Variants in MSH6 observed in about 807,000 individuals in gnomAD.
MSH6 encodes mutS homolog 6, also known as DNA mismatch repair protein Msh6.
MSH6 carries 85 observed loss-of-function variants against 119.1 expected under a neutral mutation model. The observed-to-expected ratio is 0.71, with a 90% CI of 0.60 to 0.85. The LOEUF (loss-of-function observed/expected upper bound fraction) is 0.85. Among genes scored for constraint, MSH6 ranks in the 40% least tolerant of loss-of-function variants. The probability of loss-of-function intolerance (pLI) is 0.00; values close to 1 mark genes in which losing one functional copy is unlikely to be tolerated. For synonymous variants in MSH6, 830 were observed against 586.9 expected, an observed-to-expected ratio of 1.41 and a Z score of -5.99; for missense variants, 2,163 against 1,655.3, an observed-to-expected ratio of 1.31 and a Z score of -5.32.
Position 47,800,282 on chromosome 2 carries a change from ACTC to A in MSH6, c.2302_2304del (p.Pro768del), listed in dbSNP as rs63750647. 2 of 1,613,824 alleles carry A rather than the reference ACTC, an allele frequency of 1.2e-6. No homozygotes were observed. Among genetic ancestry groups the A allele is most frequent in the Non-Finnish European group, 1.7e-6 (2 of 1,179,954 alleles). ...ACTAGAGAGGGTTGATACTTGCCAT[ACTC>A]CTTTTGGTAAGCGGCTCCTAAAGCA... On this transcript the variant is annotated inframe_deletion, in exon 4 of 10. Coordinates refer to ENST00000234420, the MANE Select transcript of MSH6 (RefSeq NM_000179.3).
At chr2:47,798,537 A>C in intron 3 of MSH6, 74 bp from the exon 4 acceptor site, 1 of 1,524,696 alleles carries the variant, frequency 6.6e-7, no homozygotes, top group South Asian at 1.1e-5. Context: ...TCAAAAAATC[A>C]TAAGTTGAAC....
intron 5 of MSH6, among the ~76,000 whole-genome samples, chr2:47,804,446 A>C (rs990795085): frequency 6.6e-6 from 1 of 151,978 alleles, no homozygotes; most frequent in Non-Finnish European, 1.5e-5. Flanking sequence ...CTGTTCACCT[A>C]GTTTGCTAGA....
downstream of MSH6, chr2:47,807,871 T>C: frequency 2.7e-6 from 1 of 364,902 alleles, no homozygotes; most frequent in Non-Finnish European, 5.0e-6. Context: ...TTGCAGCTTA[T>C]TTTCTTCACT....
rs1669780113 is a variant in MSH6, at chr2:47,803,745, C to T, written c.3438+60C>T. On this transcript the variant is annotated intron_variant, in intron 5 of 9. Coordinates refer to ENST00000234420, the MANE Select transcript of MSH6 (RefSeq NM_000179.3). ...CATTTGTGACATTAGGAATAACATA[C>T]TTAGGTGATCATTTTCCAAACACAG... 4 of 1,591,932 alleles carry T rather than the reference C, an allele frequency of 2.5e-6. No individual in the cohort carries two copies. The Admixed American group carries it at 5.0e-5, about 20-fold the overall frequency.
intron 1 of MSH6, among the ~76,000 whole-genome samples, chr2:47,786,911 C>G (rs1668384373): frequency 1.3e-5 from 2 of 152,152 alleles, no homozygotes; most frequent in African/African-American, 4.8e-5. Flanking sequence ...GTTGGGATTA[C>G]AAGTGTGAGC....
intron 4 of MSH6, among the ~76,000 whole-genome samples, chr2:47,803,030 G>T (rs967664167): frequency 1.3e-5 from 2 of 152,126 alleles, no homozygotes; most frequent in African/African-American, 4.8e-5. Context: ...TCCTGCCTCA[G>T]CCTCCTGCGT....
Position 47,800,516 on chromosome 2 carries a change from TATGAA to T in MSH6, c.2534_2538del (p.Tyr845Ter). On this transcript the variant is annotated frameshift_variant, in exon 4 of 10. Coordinates refer to ENST00000234420, the MANE Select transcript of MSH6 (RefSeq NM_000179.3). LOFTEE classifies it high-confidence loss of function. ...CCACCCAGACAGCAGGGCTATAATG[TATGAA>T]GAAACTACATACAGCAAGAAGAAGA... The T allele has an allele frequency of 6.2e-7, 1 of 1,613,126 alleles. No individual in the cohort carries two copies. The highest frequency in any genetic ancestry group is 8.5e-7 in the Non-Finnish European group (1 of 1,179,754).
intron 1 of MSH6, among the ~76,000 whole-genome samples, chr2:47,786,044 C>T (rs779833998): frequency 1.3e-5 from 2 of 151,638 alleles, no homozygotes; most frequent in African/African-American, 2.4e-5. Context: ...CAGGACAAAG[C>T]AAAGAGGCAA....
chr2:47,805,084 A>G (rs957178853), intron 6 of MSH6, 57 bp downstream of exon 6: 23 of 1,183,158 alleles, frequency 1.9e-5, no homozygotes, highest in Middle Eastern at 1.9e-4. Flanking sequence ...GTGATAAAAG[A>G]TATTTGCTTC....
rs63750258 is a variant in MSH6 at position 47,800,966 on chromosome 2, G to A, written c.2983G>A (p.Glu995Lys). 1 of 1,562,602 alleles carries A rather than the reference G, an allele frequency of 6.4e-7. No individual in the cohort carries two copies. Among genetic ancestry groups the A allele is most frequent in the Non-Finnish European group, 8.6e-7 (1 of 1,157,208 alleles). Residue 995 changes from glutamate to lysine, a missense_variant, in exon 4 of 10, where the codon GAG becomes AAG. Physicochemically the swap from Glu to Lys is moderately conservative, Grantham distance 56. Transcript: ENST00000234420. ...CACTCGCAATTTGCCAGAAGAATACGAGTTGAAATCTACCAAGAAGGGCTG... is the reference window on the plus strand; with the variant it reads ...CACTCGCAATTTGCCAGAAGAATACAAGTTGAAATCTACCAAGAAGGGCTG... ...FTTRNLPEEYELKSTKKGCKR... is the reference protein window; with the variant it reads ...FTTRNLPEEYKLKSTKKGCKR...
chr2:47,805,624 G>C lies in MSH6; in HGVS notation c.3563G>C (p.Ser1188Thr), dbSNP rs587779272. 6.2e-7 allele frequency: 1 copy of C among 1,602,694 alleles called. No individual in the cohort carries two copies. The highest frequency in any genetic ancestry group is 8.5e-7 in the Non-Finnish European group (1 of 1,170,572). Residue 1188 changes from serine to threonine, a missense_variant, in exon 7 of 10, where the codon AGT (serine) becomes ACT (threonine). Coordinates refer to ENST00000234420, the MANE Select transcript of MSH6 (RefSeq NM_000179.3). ...TGATTTTTTTTTTTTTAAGGTGAAA[G>C]TACATTTTTTGTTGAATTAAGTGAA... ...GASDRIMSGE[S>T]TFFVELSETA...
At position 47,800,989 on chromosome 2, in the gene MSH6, C is replaced by A. The variant is rs878853726; in HGVS notation, c.3006C>A (p.Gly1002=). 6.4e-7 allele frequency: 1 copy of A among 1,562,342 alleles called. No homozygotes were observed. Among genetic ancestry groups the A allele is most frequent in the East Asian group, 2.2e-5 (1 of 44,506 alleles). The change falls in exon 4 of 10, where the codon GGC becomes GGA. Residue 1002 remains glycine (G), a synonymous_variant. Transcript: ENST00000234420. Reference sequence around the variant, plus strand: ...ACGAGTTGAAATCTACCAAGAAGGGCTGTAAACGATACTGGACCAAAACTA... The same window carrying A: ...ACGAGTTGAAATCTACCAAGAAGGGATGTAAACGATACTGGACCAAAACTA... ...EEYELKSTKK[G]CKRYWTKTIE... is the part of the protein sequence containing the mutation.
chr2:47,802,645 T>G (rs1356022719), intron 4 of MSH6, among the ~76,000 whole-genome samples: 3 of 151,700 alleles, frequency 2.0e-5, no homozygotes, highest in Non-Finnish European at 2.9e-5. Flanking sequence ...GTTTTTTTTT[T>G]TTTTTTTTTT....
chr2:47,795,135 C>T (rs1668991459), intron 2 of MSH6, among the ~76,000 whole-genome samples: 2 of 152,140 alleles, frequency 1.3e-5, no homozygotes, highest in Admixed American at 1.3e-4. Context: ...TTTAAATCGT[C>T]TGCCTCACTT....
At chr2:47,806,965 TTTTC>T, downstream of MSH6, 2 of 911,410 alleles carry the variant, frequency 2.2e-6, no homozygotes, top group South Asian at 1.4e-5. Flanking sequence ...CATTTTTCCA[TTTTC>T]TTTCTAGGAA....
rs765671474 is a variant in MSH6, at chr2:47,801,070, G to C, written c.3087G>C (p.Leu1029Phe). 2 of 1,608,770 alleles carry C rather than the reference G, an allele frequency of 1.2e-6. No homozygotes were observed. The highest frequency in any genetic ancestry group is 2.2e-5 in the South Asian group (2 of 90,146). The change falls in exon 4 of 10, where the codon TTG (leucine) becomes TTC (phenylalanine). Residue 1029 changes from leucine (L) to phenylalanine (F), a missense_variant. Physicochemically the swap from Leu to Phe is conservative, Grantham distance 22. Transcript: ENST00000234420. The stretch of plus-strand genomic sequence containing the variant: ...CTGAAGAACGGAGGGATGTATCATT[G>C]AAGGACTGCATGCGGCGACTGTTCT... ...INAEERRDVSLKDCMRRLFYN... is the reference protein window; with the variant it reads ...INAEERRDVSFKDCMRRLFYN...
downstream of MSH6, chr2:47,808,059 A>G: frequency 6.9e-7 from 1 of 1,451,526 alleles, no homozygotes; most frequent in East Asian, 2.3e-5. Flanking sequence ...ATCTTCTTCC[A>G]AAAAAGTGTT....
At chr2:47,792,357 T>G (rs1668787852) in intron 2 of MSH6, among the ~76,000 whole-genome samples, 1 of 152,178 alleles carries the variant, frequency 6.6e-6, no homozygotes, top group Admixed American at 6.5e-5. Context: ...TTCGTCATAG[T>G]GCTCATCCTA....
chr2:47,788,913 T>G (rs1558650152), intron 1 of MSH6, among the ~76,000 whole-genome samples: 1 of 55,292 alleles, frequency 1.8e-5, no homozygotes, highest in Non-Finnish European at 3.8e-5. Context: ...CTTCCTTTTT[T>G]TTTTTTTTGT....
Sources: gnomAD v4.1 joint callset for allele counts (sites outside exome capture counted in the v4.1 genomes callset) on GRCh38, gnomAD v4.1.1 for gene constraint, MANE v1.5 for transcripts, NCBI Gene and HGNC (gene_info 2026-07-23, HGNC 2026-07-21) for gene names.